Variants in SCHIP1 observed in about 807,000 individuals in gnomAD.
The protein encoded by SCHIP1 is schwannomin-interacting protein 1.
A neutral mutation model predicts 29.7 loss-of-function variants in SCHIP1; 8 were observed. The ratio of observed to expected loss-of-function variants is 0.27; its 90% CI spans 0.16 to 0.49. The LOEUF is 0.49. Ranked by LOEUF, SCHIP1 falls within the 20% of genes least tolerant of loss-of-function variation. The pLI is 0.99. For missense variants in SCHIP1, 193 were observed against 294.6 expected (o/e 0.66, Z 2.52); for synonymous variants, 76 against 94.9 (o/e 0.80, Z 1.16).
chr3:159,605,174 AG>A, the SCHIP1 span, among the ~76,000 whole-genome samples: 1 of 152,222 alleles, frequency 6.6e-6, no homozygotes, highest in Admixed American at 6.5e-5. Context: ...AAGATTTAAA[AG>A]GGCGAAGCAT....
chr3:159,413,302 G>T, the SCHIP1 span, among the ~76,000 whole-genome samples: 2 of 152,212 alleles, frequency 1.3e-5, no homozygotes, highest in African/African-American at 2.4e-5. Context: ...AAATGAGGCT[G>T]CAGGGCTAAG....
chr3:159,593,295 C>T, the SCHIP1 span, among the ~76,000 whole-genome samples: 2 of 152,052 alleles, frequency 1.3e-5, no homozygotes, highest in South Asian at 4.1e-4. Context: ...ATGACACACC[C>T]GAGGAGCCTC....
the SCHIP1 span, among the ~76,000 whole-genome samples, chr3:159,733,489 A>G: frequency 1.3e-5 from 2 of 152,164 alleles, no homozygotes. Flanking sequence ...CAGGAATTTA[A>G]AAAAAGAGAT....
rs1442326989 is a variant in SCHIP1 at position 159,861,013 on chromosome 3, A to T, written c.31-5150A>T. The stretch of plus-strand genomic sequence containing the variant: ...AGATGGCTTTAGGTTCAGGTTTAGG[A>T]TGTTATTTCCTGAAGTGTGTTCCTG... On this transcript the variant is annotated intron_variant, in intron 1 of 6. Transcript: ENST00000445224. This position sits in a 1 kb window ranked among gnomAD's most constrained non-coding sequence, Gnocchi z 4.1. Among the ~76,000 whole-genome samples the T allele has an allele frequency of 6.6e-6, 1 of 152,080 alleles. No homozygotes were observed. The highest frequency in any genetic ancestry group is 1.5e-5 in the Non-Finnish European group (1 of 68,024).
chr3:159,380,166 T>G, the SCHIP1 span, among the ~76,000 whole-genome samples: 1 of 152,162 alleles, frequency 6.6e-6, no homozygotes, highest in Admixed American at 6.5e-5. Context: ...GTGAAGTTCT[T>G]TCATTGAAAA....
chr3:159,273,754 T>C, the SCHIP1 span: 1 of 1,593,734 alleles, frequency 6.3e-7, no homozygotes, highest in Non-Finnish European at 8.5e-7. Flanking sequence ...TTTACGGATT[T>C]CTTTCAAAGC....
the SCHIP1 span, among the ~76,000 whole-genome samples, chr3:159,551,227 G>A: frequency 1.2e-3 from 182 of 152,184 alleles, 1 homozygote; most frequent in African/African-American, 4.2e-3. Flanking sequence ...CTGAATTCAG[G>A]TCCCCAGAGT....
At chr3:159,378,346 T>C in the SCHIP1 span, among the ~76,000 whole-genome samples, 6 of 152,192 alleles carry the variant, frequency 3.9e-5, no homozygotes, top group Non-Finnish European at 7.3e-5. Flanking sequence ...ACAAAAAGAA[T>C]AATTTCTTTA....
intron 2 of SCHIP1, among the ~76,000 whole-genome samples, chr3:159,876,958 C>A (rs1241173764): frequency 6.6e-6 from 1 of 152,194 alleles, no homozygotes; most frequent in Non-Finnish European, 1.5e-5. Context: ...AACCAGTGCC[C>A]ACCTCCTCCT....
the SCHIP1 span, among the ~76,000 whole-genome samples, chr3:159,825,681 A>G: frequency 6.6e-6 from 1 of 152,222 alleles, no homozygotes; most frequent in Non-Finnish European, 1.5e-5. Context: ...CTAGATGGGC[A>G]ATGGTTGACG....
chr3:159,484,759 T>G, the SCHIP1 span, among the ~76,000 whole-genome samples: 1 of 152,220 alleles, frequency 6.6e-6, no homozygotes, highest in Non-Finnish European at 1.5e-5. Flanking sequence ...ATTGACCATT[T>G]AGGAGAACAA....
chr3:159,407,568 G>A, the SCHIP1 span, among the ~76,000 whole-genome samples: 1 of 152,108 alleles, frequency 6.6e-6, no homozygotes, highest in Non-Finnish European at 1.5e-5. Context: ...TTCATCCAAT[G>A]GCTACAAAAT....
chr3:159,850,275 C>G (rs929579406), intron 1 of SCHIP1, among the ~76,000 whole-genome samples: 1 of 152,094 alleles, frequency 6.6e-6, no homozygotes, highest in Non-Finnish European at 1.5e-5. Flanking sequence ...AATACCTGGC[C>G]AGGCATGGTG....
At chr3:159,408,400 T>TAAA in the SCHIP1 span, among the ~76,000 whole-genome samples, 367 of 147,714 alleles carry the variant, frequency 2.5e-3, 1 homozygote, top group East Asian at 0.013. Context: ...TTTGCAATGA[T>TAAA]AAAAAAAAAA....
At chr3:159,393,378 A>T in the SCHIP1 span, among the ~76,000 whole-genome samples, 1 of 151,944 alleles carries the variant, frequency 6.6e-6, no homozygotes, top group Admixed American at 6.6e-5. Context: ...TTAGACATGA[A>T]GTCCTTGCCC....
At chr3:159,859,076 C>T (rs1713738976) in intron 1 of SCHIP1, among the ~76,000 whole-genome samples, 1 of 152,180 alleles carries the variant, frequency 6.6e-6, no homozygotes, top group Admixed American at 6.5e-5. Context: ...TATTTTTTAA[C>T]TTATATTTAC....
At chr3:159,487,468 C>T in the SCHIP1 span, among the ~76,000 whole-genome samples, 2 of 152,100 alleles carry the variant, frequency 1.3e-5, no homozygotes, top group African/African-American at 2.4e-5. Context: ...CACAGCAGTG[C>T]AGGAGCAGCC....
the SCHIP1 span, among the ~76,000 whole-genome samples, chr3:159,492,352 A>T: frequency 6.6e-6 from 1 of 152,196 alleles, no homozygotes; most frequent in Non-Finnish European, 1.5e-5. Context: ...AAAAACTTTG[A>T]AAAAAGATTA....
intron 6 of SCHIP1, chr3:159,892,711 T>C (rs1717665890): frequency 6.3e-6 from 1 of 158,828 alleles, no homozygotes; most frequent in African/African-American, 2.4e-5. Flanking sequence ...TGGGCTTTGC[T>C]CCAACTGCCT....
Sources: allele counts gnomAD v4.1 joint callset (sites outside exome capture counted in the v4.1 genomes callset), GRCh38; gene constraint gnomAD v4.1.1; non-coding constraint Gnocchi (gnomAD v3.1); transcripts MANE v1.5; gene names NCBI Gene and HGNC (gene_info 2026-07-23, HGNC 2026-07-21).